The following FARSB variants were observed in gnomAD, a reference collection of about 807,000 sequenced individuals.
FARSB encodes the protein phenylalanine--tRNA ligase beta subunit.
A neutral mutation model predicts 69.6 loss-of-function variants in FARSB; 40 were observed. The observed-to-expected ratio is 0.57, with a 90% CI of 0.45 to 0.75. FARSB has a LOEUF of 0.75. FARSB is among the 30% of genes least tolerant of loss of function. The probability of loss-of-function intolerance (pLI) is 0.00; values close to 1 mark genes in which losing one functional copy is unlikely to be tolerated. For synonymous variants in FARSB, 235 were observed against 247.2 expected (o/e 0.95, Z 0.46); for missense variants, 632 against 722.9 (o/e 0.87, Z 1.44).
At chr2:222,633,869 AG>A (rs1356385427) in intron 6 of FARSB, among the ~76,000 whole-genome samples, 1 of 152,240 alleles carries the variant, frequency 6.6e-6, no homozygotes, top group Non-Finnish European at 1.5e-5. Flanking sequence ...ATCATTTCAA[AG>A]GAAACATAAA....
At chr2:222,613,639 T>C (rs1690914450) in intron 15 of FARSB, among the ~76,000 whole-genome samples, 172 bp downstream of exon 15, 1 of 152,224 alleles carries the variant, frequency 6.6e-6, no homozygotes, top group Non-Finnish European at 1.5e-5. Context: ...GGGAAGTTGA[T>C]AGTGGTATAG....
intron 16 of FARSB, among the ~76,000 whole-genome samples, chr2:222,586,331 G>A (rs1690111435): frequency 6.6e-6 from 1 of 152,106 alleles, no homozygotes; most frequent in Admixed American, 6.5e-5. Context: ...GTCACCACCA[G>A]GCCTACCTTA....
chr2:222,568,926 CA>C lies in FARSB; in HGVS notation c.*2944del, dbSNP rs1206219624. ...AATTTAAGTTTTTTCTAAGCTAGAACAAAAATCAATTCCATTTAATTTTCAC... is the reference window on the plus strand; with the variant it reads ...AATTTAAGTTTTTTCTAAGCTAGAACAAAATCAATTCCATTTAATTTTCAC... On this transcript the variant is annotated 3_prime_UTR_variant, in exon 17 of 17. Coordinates refer to ENST00000281828, the MANE Select transcript of FARSB (RefSeq NM_005687.5). The surrounding 1 kb of genome is among the most constrained non-coding windows in gnomAD (Gnocchi z 4.3). The C allele has an allele frequency of 1.3e-5, 2 of 152,162 alleles. No individual in the cohort carries two copies. Among genetic ancestry groups the C allele is most frequent in the Non-Finnish European group, 2.9e-5 (2 of 68,020 alleles). The allele number at this position is 152,162 out of a possible 1,614,324, so 9.4% of individuals were successfully genotyped here. A position where few individuals can be genotyped will look rare whatever the true frequency, so the allele number is the denominator to read the frequency against.
Position 222,624,475 on chromosome 2 carries a change from T to C in FARSB, c.967A>G (p.Thr323Ala), listed in dbSNP as rs1490414701. ...LINKKVGIRETPENLAKLLTR... is the reference protein window; with the variant it reads ...LINKKVGIREAPENLAKLLTR... Reference sequence around the variant, plus strand: ...AGAAGTTTGGCAAGATTTTCTGGAGTTTCTCTGAAAAAGGAATGAACAAAC... The same window carrying C: ...AGAAGTTTGGCAAGATTTTCTGGAGCTTCTCTGAAAAAGGAATGAACAAAC... Residue 323 changes from threonine (T) to alanine (A), a missense_variant, in exon 12 of 17, where the codon ACT (threonine) becomes GCT (alanine). Thr to Ala is a moderately conservative substitution (Grantham distance 58, BLOSUM62 0). Coordinates refer to ENST00000281828, the MANE Select transcript of FARSB (RefSeq NM_005687.5). 1 of 1,605,856 alleles carries C rather than the reference T, an allele frequency of 6.2e-7. No homozygotes were observed. The highest frequency in any genetic ancestry group is 8.5e-7 in the Non-Finnish European group (1 of 1,172,710).
In FARSB at chr2:222,640,370, C is replaced by G. The variant is rs567886574; in HGVS notation, c.339+492G>C. ...CTGGGTGTGGTGGCGTGTGCCTGTACTCCCAAATACTCAAGAAGCTGCAGG... is the reference window on the plus strand; with the variant it reads ...CTGGGTGTGGTGGCGTGTGCCTGTAGTCCCAAATACTCAAGAAGCTGCAGG... On this transcript the variant is annotated intron_variant, in intron 4 of 16. Coordinates refer to ENST00000281828, the MANE Select transcript of FARSB (RefSeq NM_005687.5). 9.2e-5 allele frequency among the ~76,000 whole-genome samples: 14 copies of G among 151,396 alleles called. No homozygotes were observed. In the South Asian group the frequency reaches 2.9e-3, roughly 32 times the overall value.
intron 3 of FARSB, among the ~76,000 whole-genome samples, chr2:222,642,575 C>A (rs150779234): frequency 6.6e-6 from 1 of 152,190 alleles, no homozygotes; most frequent in African/African-American, 2.4e-5. Context: ...ATCACACACA[C>A]CTGCTAAATA....
chr2:222,630,103 A>T lies in FARSB; in HGVS notation c.848+10T>A. On this transcript the variant is annotated intron_variant, in intron 9 of 16. Transcript: ENST00000281828. ...AATGGGCCATCAATAAAGGTGCTGG[A>T]TGAACTTACGTAAATTGATTCTCAC... The T allele has an allele frequency of 6.6e-7, 1 of 1,513,864 alleles. No homozygotes were observed. Among genetic ancestry groups the T allele is most frequent in the Non-Finnish European group, 9.0e-7 (1 of 1,109,684 alleles). The allele number at this position is 1,513,864 out of a possible 1,614,324, so 93.8% of individuals were successfully genotyped here. A position where few individuals can be genotyped will look rare whatever the true frequency, so the allele number is the denominator to read the frequency against.
chr2:222,619,303 C>A (rs1278431656), intron 14 of FARSB, among the ~76,000 whole-genome samples: 2 of 133,220 alleles, frequency 1.5e-5, no homozygotes, highest in African/African-American at 6.2e-5. Context: ...AAGACTCTGT[C>A]CCAAAAAATA....
intron 8 of FARSB, among the ~76,000 whole-genome samples, chr2:222,631,100 A>G (rs1036883224): frequency 2.0e-5 from 3 of 152,196 alleles, no homozygotes; most frequent in Admixed American, 6.5e-5. Context: ...AAAGTGGGTG[A>G]AGAATTATAT....
In FARSB at chr2:222,624,650, G is replaced by T. The variant is rs182141372; in HGVS notation, c.962+64C>A. The T allele has an allele frequency of 9.6e-5, 108 of 1,128,118 alleles. 1 individual carries two copies. The African/African-American group carries it at 1.4e-3, about 14-fold the overall frequency. 69.9% of individuals were successfully genotyped at this position (1,128,118 alleles called of 1,614,324 possible). ...ATTCCTTAACAGACTCTGAAGGATC[G>T]CAAAAAAAAAATTAGTCATACGTGT... On this transcript the variant is annotated intron_variant, in intron 11 of 16. Transcript: ENST00000281828.
At chr2:222,626,600 A>G (rs1214476655) in intron 10 of FARSB, among the ~76,000 whole-genome samples, 1 of 152,228 alleles carries the variant, frequency 6.6e-6, no homozygotes, top group Non-Finnish European at 1.5e-5. Context: ...TTTCAAATTT[A>G]CAAAAGGTCT....
intron 16 of FARSB, among the ~76,000 whole-genome samples, chr2:222,585,360 T>C (rs557192682): frequency 6.6e-6 from 1 of 152,272 alleles, no homozygotes; most frequent in Admixed American, 6.5e-5. Flanking sequence ...CAAAACCTCA[T>C]CTGTAGGTCA....
rs150153895 is a variant in FARSB, at chr2:222,614,561, T to C, written c.1345-633A>G. Among the ~76,000 whole-genome samples, 652 of 152,308 alleles carry C rather than the reference T, an allele frequency of 4.3e-3. 6 individuals are homozygous for C. Among genetic ancestry groups the C allele is most frequent in the African/African-American group, 0.015 (616 of 41,562 alleles). On this transcript the variant is annotated intron_variant, in intron 14 of 16. Coordinates refer to ENST00000281828, the MANE Select transcript of FARSB (RefSeq NM_005687.5). ...TACAAATGTTTAAATAGATTAAATA[T>C]AGGTCAGGCACAGTGGCTCATGCCT...
chr2:222,612,071 T>C (rs1690869734), intron 15 of FARSB, among the ~76,000 whole-genome samples: 1 of 152,138 alleles, frequency 6.6e-6, no homozygotes, highest in Admixed American at 6.6e-5. Flanking sequence ...AGAAATAAGA[T>C]GAATGGAAAC....
chr2:222,636,132 C>A (rs1025564129), intron 5 of FARSB, among the ~76,000 whole-genome samples: 1 of 150,178 alleles, frequency 6.7e-6, no homozygotes, highest in Non-Finnish European at 1.5e-5. Flanking sequence ...TTAGGCCGCA[C>A]GCGGTGGCTC....
intron 1 of FARSB, 67 bp from the exon 2 acceptor site, chr2:222,648,862 C>G: frequency 1.0e-6 from 1 of 1,004,698 alleles, no homozygotes; most frequent in East Asian, 2.4e-5. Flanking sequence ...TACATACAAA[C>G]TGCATTTTCT....
intron 16 of FARSB, among the ~76,000 whole-genome samples, chr2:222,584,373 T>C (rs1351901613): frequency 6.6e-6 from 1 of 152,194 alleles, no homozygotes; most frequent in Admixed American, 6.5e-5. Context: ...GCCCTGAATT[T>C]GGGGTCCAAG....
chr2:222,619,503 C>A, intron 14 of FARSB, 142 bp downstream of exon 14: 1 of 553,386 alleles, frequency 1.8e-6, no homozygotes, highest in African/African-American at 1.9e-5. Flanking sequence ...ACGTAATAAC[C>A]AACTATAAAC....
chr2:222,587,100 G>A (rs1251837739), intron 16 of FARSB, among the ~76,000 whole-genome samples: 1 of 152,114 alleles, frequency 6.6e-6, no homozygotes, highest in South Asian at 2.1e-4. Flanking sequence ...TGACCACATA[G>A]TTGGAAGTAA....
Sources: gnomAD v4.1 joint callset for allele counts (sites outside exome capture counted in the v4.1 genomes callset) on GRCh38, gnomAD v4.1.1 for gene constraint, Gnocchi (gnomAD v3.1) non-coding constraint, MANE v1.5 for transcripts, NCBI Gene and HGNC (gene_info 2026-07-23, HGNC 2026-07-21) for gene names.